Variants in RIMKLB observed in about 807,000 individuals in gnomAD.
The protein encoded by RIMKLB is ribosomal modification protein rimK like family member B.
In RIMKLB, 7 loss-of-function variants were observed where a neutral mutation model predicts 32.0. That is an observed-to-expected ratio of 0.22 (90% CI 0.12 to 0.41). RIMKLB has a LOEUF of 0.41. Among genes scored for constraint, RIMKLB ranks in the 10% least tolerant of loss-of-function variants. The pLI is 1.00. For missense variants in RIMKLB, 289 were observed against 498.7 expected (o/e 0.58, Z 4.00); for synonymous variants, 172 against 185.1 (o/e 0.93, Z 0.57).
intron 2 of RIMKLB, among the ~76,000 whole-genome samples, chr12:8,747,452 A>G (rs1011263347): frequency 2.6e-5 from 4 of 151,588 alleles, no homozygotes; most frequent in African/African-American, 4.9e-5. Flanking sequence ...CATTAGTTCT[A>G]CCTCCCTGAT....
At chr12:8,770,711 C>T (rs1304691581) in intron 5 of RIMKLB, among the ~76,000 whole-genome samples, 2 of 152,140 alleles carry the variant, frequency 1.3e-5, no homozygotes, top group Non-Finnish European at 2.9e-5. Flanking sequence ...TATTTGACCA[C>T]GTGTGGGGGA....
intron 2 of RIMKLB, among the ~76,000 whole-genome samples, chr12:8,733,257 TTTATA>T (rs1476832288): frequency 6.6e-6 from 1 of 152,008 alleles, no homozygotes; most frequent in African/African-American, 2.4e-5. Flanking sequence ...AGTTCTTGAA[TTTATA>T]TTATACATAT....
chr12:8,781,708 G>A (rs928350704), downstream of RIMKLB, among the ~76,000 whole-genome samples: 4 of 152,136 alleles, frequency 2.6e-5, no homozygotes, highest in African/African-American at 7.2e-5. Context: ...TTTTTCCTAA[G>A]AGAGTGTGCA....
chr12:8,672,857 C>G, the RIMKLB span, among the ~76,000 whole-genome samples: 1 of 152,148 alleles, frequency 6.6e-6, no homozygotes, highest in African/African-American at 2.4e-5. Context: ...AAGCAGATGC[C>G]GCTATGCTTC....
At chr12:8,721,797 G>T (rs1025528434) in intron 2 of RIMKLB, among the ~76,000 whole-genome samples, 3 of 152,032 alleles carry the variant, frequency 2.0e-5, no homozygotes, top group African/African-American at 7.3e-5. Context: ...AGGCTGGAGT[G>T]CAGTGGCACG....
In RIMKLB at chr12:8,718,651, CTCTATA is replaced by C. The variant is rs1393124128; in HGVS notation, c.175+4612_175+4617del. 7.4e-4 allele frequency among the ~76,000 whole-genome samples: 73 copies of C among 98,448 alleles called. 1 individual carries two copies. Among genetic ancestry groups the C allele is most frequent in the African/African-American group, 2.7e-3 (70 of 25,616 alleles). The allele number at this position is 98,448 out of a possible 152,430, so 64.6% of individuals were successfully genotyped here. A position where few individuals can be genotyped will look rare whatever the true frequency, so the allele number is the denominator to read the frequency against. On this transcript the variant is annotated intron_variant, in intron 2 of 5. Transcript: ENST00000535829. ...AGCGAGACTCCGTCTCTCTCTCTCT[CTCTATA>C]TATATATATATATGTGTGTGTGTGT...
rs1182850325 is a variant in RIMKLB, at chr12:8,718,669, ATGTGTGTGTGTGTGTGTG to A, written c.175+4652_175+4669del. 1.4e-3 allele frequency among the ~76,000 whole-genome samples: 159 copies of A among 116,210 alleles called. 1 individual carries two copies. The highest frequency in any genetic ancestry group is 2.2e-3 in the Non-Finnish European group (118 of 54,574). The allele number at this position is 116,210 out of a possible 152,430, so 76.2% of individuals were successfully genotyped here. A position where few individuals can be genotyped will look rare whatever the true frequency, so the allele number is the denominator to read the frequency against. On this transcript the variant is annotated intron_variant, in intron 2 of 5. Transcript: ENST00000535829. Reference sequence around the variant, plus strand: ...TCTCTCTCTCTATATATATATATATATGTGTGTGTGTGTGTGTGTGTGTGTGTGTGTGTGTGTGTGTAT... The same window carrying A: ...TCTCTCTCTCTATATATATATATATATGTGTGTGTGTGTGTGTGTGTGTAT...
At chr12:8,741,179 C>T (rs1308098977) in intron 2 of RIMKLB, among the ~76,000 whole-genome samples, 1 of 151,852 alleles carries the variant, frequency 6.6e-6, no homozygotes, top group East Asian at 1.9e-4. Flanking sequence ...GCACTCCAGC[C>T]TGGGCGACAG....
chr12:8,782,262 T>TA (rs1951125900), intron 7 of RIMKLB, among the ~76,000 whole-genome samples: 1 of 152,112 alleles, frequency 6.6e-6, no homozygotes, highest in Non-Finnish European at 1.5e-5. Context: ...GCACAATAAT[T>TA]TTGTTTTATT....
At chr12:8,734,411 T>G (rs1946817998) in intron 2 of RIMKLB, among the ~76,000 whole-genome samples, 1 of 152,238 alleles carries the variant, frequency 6.6e-6, no homozygotes, top group South Asian at 2.1e-4. Flanking sequence ...GGTGACCTAT[T>G]GACGCTTAGA....
intron 5 of RIMKLB, among the ~76,000 whole-genome samples, chr12:8,772,280 CTT>C (rs1950471545): frequency 6.6e-6 from 1 of 151,998 alleles, no homozygotes; most frequent in South Asian, 2.1e-4. Context: ...ACTGTACTCT[CTT>C]TGAGTTTCTC....
At chr12:8,696,963 CT>C (rs200665237), upstream of RIMKLB, among the ~76,000 whole-genome samples, 5 of 151,270 alleles carry the variant, frequency 3.3e-5, no homozygotes, top group African/African-American at 7.3e-5. Flanking sequence ...GTCTGTAGCC[CT>C]TTTTTTTTCT....
the RIMKLB span, among the ~76,000 whole-genome samples, chr12:8,670,228 C>A: frequency 6.6e-6 from 1 of 152,090 alleles, no homozygotes; most frequent in South Asian, 2.1e-4. Flanking sequence ...TCCCAAGAGT[C>A]CCCCAAAGTC....
chr12:8,720,844 C>G (rs758777083), intron 2 of RIMKLB, among the ~76,000 whole-genome samples: 1 of 151,968 alleles, frequency 6.6e-6, no homozygotes, highest in South Asian at 2.1e-4. Flanking sequence ...CTGGCCTACC[C>G]GTTTTAAATA....
intron 2 of RIMKLB, among the ~76,000 whole-genome samples, chr12:8,748,458 C>T (rs994221373): frequency 2.0e-5 from 3 of 151,226 alleles, no homozygotes; most frequent in Non-Finnish European, 4.4e-5. Context: ...TTAGGCTTTC[C>T]ACAGTTCCAA....
intron 1 of RIMKLB, among the ~76,000 whole-genome samples, chr12:8,713,140 G>A (rs893767289): frequency 1.3e-5 from 2 of 152,142 alleles, no homozygotes; most frequent in African/African-American, 4.8e-5. Context: ...AGAGCGTGCT[G>A]TCCTCTGACT....
intron 3 of RIMKLB, among the ~76,000 whole-genome samples, chr12:8,751,227 G>A (rs1305465318): frequency 1.3e-5 from 2 of 152,174 alleles, no homozygotes; most frequent in South Asian, 2.1e-4. Context: ...TATTACCTTT[G>A]TTCTATTGAT....
the RIMKLB span, among the ~76,000 whole-genome samples, chr12:8,674,927 G>A: frequency 4.3e-3 from 605 of 141,688 alleles, 9 homozygotes; most frequent in African/African-American, 0.016. Context: ...GCAATGGCAC[G>A]ATCTTGGCTC....
intron 2 of RIMKLB, among the ~76,000 whole-genome samples, chr12:8,748,321 T>A (rs1294746209): frequency 6.6e-6 from 1 of 152,194 alleles, no homozygotes; most frequent in African/African-American, 2.4e-5. Flanking sequence ...ATAACTCTTA[T>A]TACAGTAATT....
Sources: gnomAD v4.1 joint callset for allele counts (sites outside exome capture counted in the v4.1 genomes callset) on GRCh38, gnomAD v4.1.1 for gene constraint, MANE v1.5 for transcripts, NCBI Gene and HGNC (gene_info 2026-07-23, HGNC 2026-07-21) for gene names.